Variants in ZNF714 observed in about 807,000 individuals in gnomAD.
ZNF714 encodes zinc finger protein 714.
In ZNF714, 32 loss-of-function variants were observed where a neutral mutation model predicts 46.2. The observed-to-expected ratio is 0.69, with a 90% CI of 0.52 to 0.93. The LOEUF (loss-of-function observed/expected upper bound fraction) is 0.93, where lower values mean the gene tolerates loss of function less well. Among genes scored for constraint, ZNF714 ranks in the 40% least tolerant of loss-of-function variants. The pLI is 0.00. For synonymous variants in ZNF714, 199 were observed against 213.1 expected (o/e 0.93, Z 0.58); for missense variants, 635 against 646.3 (o/e 0.98, Z 0.19).
chr19:21,084,996 T>C (rs1350110648), intron 2 of ZNF714, among the ~76,000 whole-genome samples: 1 of 152,174 alleles, frequency 6.6e-6, no homozygotes, highest in East Asian at 1.9e-4. Flanking sequence ...ATATATTCCA[T>C]TTGTTAAAAA....
At position 21,115,031 on chromosome 19, in the gene ZNF714, G is replaced by T. The variant is rs186138085; in HGVS notation, c.143-1776G>T. On this transcript the variant is annotated intron_variant, in intron 4 of 4. Transcript: ENST00000456283. ...TATGCTTTTACTTCTTTCTTATTTT[G>T]TTTTGTGTATCTATTCAGATATATT... Among the ~76,000 whole-genome samples, 4 of 147,332 alleles carry T rather than the reference G, an allele frequency of 2.7e-5. No homozygotes were observed. The East Asian group carries it at 7.9e-4, about 29-fold the overall frequency.
In ZNF714 at chr19:21,082,319, G is replaced by T; in HGVS notation, c.-206G>T. 6.9e-7 allele frequency: 1 copy of T among 1,454,494 alleles called. No individual in the cohort carries two copies. Among genetic ancestry groups the T allele is most frequent in the Non-Finnish European group, 9.3e-7 (1 of 1,075,802 alleles). 90.1% of individuals were successfully genotyped at this position (1,454,494 alleles called of 1,614,324 possible). ...CAGGTATTGAGAGATCCACAGCTAA[G>T]ACGCCAGGTACCCCGGAAGCCTAGA... On this transcript the variant is annotated 5_prime_UTR_variant, in exon 1 of 5. Coordinates refer to ENST00000456283, the MANE Select transcript of ZNF714 (RefSeq NM_182515.4).
At chr19:21,104,209 TATG>T (rs1969257393) in intron 4 of ZNF714, among the ~76,000 whole-genome samples, 1 of 148,454 alleles carries the variant, frequency 6.7e-6, no homozygotes, top group Non-Finnish European at 1.5e-5. Context: ...TTGATTTAAT[TATG>T]ATAATATTTG....
At chr19:21,106,785 G>A (rs1034237191) in intron 4 of ZNF714, among the ~76,000 whole-genome samples, 1 of 151,874 alleles carries the variant, frequency 6.6e-6, no homozygotes, top group Non-Finnish European at 1.5e-5. Context: ...ATCTGCCTTT[G>A]TGTCAGTACC....
rs558873873 is a variant in ZNF714, at chr19:21,112,686, C to A, written c.143-4121C>A. Among the ~76,000 whole-genome samples, 273 of 151,390 alleles carry A rather than the reference C, an allele frequency of 1.8e-3. 2 individuals carry two copies. The highest frequency in any genetic ancestry group is 2.5e-3 in the Non-Finnish European group (167 of 67,844). On this transcript the variant is annotated intron_variant, in intron 4 of 4. Transcript: ENST00000456283. ...TGATGTTAGGGTGTCCATTTGAGAT[C>A]TTTCTGGCTTTTTCATTTGGGTATT...
rs986364701 is a variant in ZNF714 at position 21,104,351 on chromosome 19, G to A, written c.142+5441G>A. On this transcript the variant is annotated intron_variant, in intron 4 of 4. Transcript: ENST00000456283. ...ACTGGTACAATAAACATGGATGTTC[G>A]AATTTGTGTTCCAGGCCCTGTGCTT... Among the ~76,000 whole-genome samples, 18 of 152,098 alleles carry A rather than the reference G, an allele frequency of 1.2e-4. No homozygotes were observed. In the South Asian group the frequency reaches 2.9e-3, roughly 24 times the overall value.
Position 21,122,180 on chromosome 19 carries a change from A to G in ZNF714, c.*3848A>G, listed in dbSNP as rs1298751014. The G allele has an allele frequency of 6.6e-6, 1 of 152,230 alleles. No homozygotes were observed. The highest frequency in any genetic ancestry group is 1.5e-5 in the Non-Finnish European group (1 of 68,044). 9.4% of individuals were successfully genotyped at this position (152,230 alleles called of 1,614,324 possible). On this transcript the variant is annotated 3_prime_UTR_variant, in exon 5 of 5. Transcript: ENST00000456283. ...TGAGGATGTTTTTATATATAAATGT[A>G]GCAAACATACATTACAGTTCTTACT...
intron 2 of ZNF714, among the ~76,000 whole-genome samples, chr19:21,096,924 T>C (rs1385636486): frequency 6.6e-6 from 1 of 152,200 alleles, no homozygotes; most frequent in Non-Finnish European, 1.5e-5. Flanking sequence ...TAGAGTGCAG[T>C]GGCGCAATCT....
intron 4 of ZNF714, among the ~76,000 whole-genome samples, chr19:21,105,625 T>C (rs1969292457): frequency 6.6e-6 from 1 of 152,178 alleles, no homozygotes; most frequent in Admixed American, 6.6e-5. Context: ...TTTTTTGTTT[T>C]TCTGTTTTTT....
At chr19:21,096,569 A>G (rs1346216968) in intron 2 of ZNF714, among the ~76,000 whole-genome samples, 1 of 152,140 alleles carries the variant, frequency 6.6e-6, no homozygotes, top group African/African-American at 2.4e-5. Context: ...ATAGTCAAGG[A>G]TCTCTAAAAA....
chr19:21,105,301 G>A (rs943568023), intron 4 of ZNF714, among the ~76,000 whole-genome samples: 1 of 151,650 alleles, frequency 6.6e-6, no homozygotes, highest in Non-Finnish European at 1.5e-5. Context: ...GATTACCTGC[G>A]TGAGCCACCG....
intron 4 of ZNF714, among the ~76,000 whole-genome samples, chr19:21,106,644 G>T (rs561818901): frequency 6.6e-6 from 1 of 151,876 alleles, no homozygotes; most frequent in East Asian, 1.9e-4. Flanking sequence ...TTGTTATCCA[G>T]TTTATGGCAT....
Position 21,118,235 on chromosome 19 carries a change from C to T in ZNF714, c.1571C>T (p.Ala524Val), listed in dbSNP as rs766011034. 135 of 1,561,128 alleles carry T rather than the reference C, an allele frequency of 8.6e-5. No homozygotes were observed. Among genetic ancestry groups the T allele is most frequent in the Admixed American group, 3.2e-4 (17 of 53,874 alleles). Residue 524 changes from alanine (A) to valine (V), a missense_variant, in exon 5 of 5, where the codon GCG becomes GTG. Ala to Val is a moderately conservative substitution (Grantham distance 64, BLOSUM62 0). Coordinates refer to ENST00000456283, the MANE Select transcript of ZNF714 (RefSeq NM_182515.4). ...NTLRGLGEQIARSGVQDQPGQ... is the reference protein window; with the variant it reads ...NTLRGLGEQIVRSGVQDQPGQ... Reference sequence around the variant, plus strand: ...TTGAGAGGACTAGGTGAGCAGATCGCGAGGTCAGGAGTTCAAGACCAGCCT... The same window carrying T: ...TTGAGAGGACTAGGTGAGCAGATCGTGAGGTCAGGAGTTCAAGACCAGCCT...
rs1210951340 is a variant in ZNF714 at position 21,121,521 on chromosome 19, G to A, written c.*3189G>A. ...CTTTGAACATGTGGCCTGTCTGCCT[G>A]CAAACATGCAGACTTTTTGATTCAC... On this transcript the variant is annotated 3_prime_UTR_variant, in exon 5 of 5. Transcript: ENST00000456283. 1 of 152,102 alleles carries A rather than the reference G, an allele frequency of 6.6e-6. No individual in the cohort carries two copies. The highest frequency in any genetic ancestry group is 1.5e-5 in the Non-Finnish European group (1 of 68,024). 9.4% of individuals were successfully genotyped at this position (152,102 alleles called of 1,614,324 possible).
At chr19:21,099,280 C>T (rs1343262245) in intron 4 of ZNF714, among the ~76,000 whole-genome samples, 2 of 151,908 alleles carry the variant, frequency 1.3e-5, no homozygotes, top group Admixed American at 6.6e-5. Flanking sequence ...TTGGGTTCGA[C>T]GATTTTCCTG....
chr19:21,116,955 G>A lies in ZNF714; in HGVS notation c.291G>A (p.Val97=), dbSNP rs779732761. 9 of 1,610,012 alleles carry A rather than the reference G, an allele frequency of 5.6e-6. No homozygotes were observed. The Admixed American group carries it at 1.5e-4, about 27-fold the overall frequency. ...CCGCAAATGTGGTTGAGTGTAAGGT[G>A]TACAAAAAAGGTTATAATGAACTAA... is the stretch of plus-strand genomic sequence containing the variant. ...KGSANVVECK[V]YKKGYNELNQ... The change falls in exon 5 of 5, where the codon GTG becomes GTA. Residue 97 remains valine (V), a synonymous_variant. Coordinates refer to ENST00000456283, the MANE Select transcript of ZNF714 (RefSeq NM_182515.4).
intron 4 of ZNF714, among the ~76,000 whole-genome samples, chr19:21,107,320 A>T (rs2144860364): frequency 6.6e-6 from 1 of 150,954 alleles, no homozygotes; most frequent in African/African-American, 2.4e-5. Flanking sequence ...GCTTACCGCA[A>T]CCTCCGCCTC....
rs1365782912 is a variant in ZNF714, at chr19:21,120,642, T to C, written c.*2310T>C. On this transcript the variant is annotated 3_prime_UTR_variant, in exon 5 of 5. Transcript: ENST00000456283. Reference sequence around the variant, plus strand: ...TTAACATTTTTAACATGTTAAATACTATTGTGCATTCAATGAAGCATTATT... The same window carrying C: ...TTAACATTTTTAACATGTTAAATACCATTGTGCATTCAATGAAGCATTATT... 1.3e-5 allele frequency: 2 copies of C among 152,214 alleles called. No individual in the cohort carries two copies. Among genetic ancestry groups the C allele is most frequent in the African/African-American group, 4.8e-5 (2 of 41,470 alleles). 9.4% of individuals were successfully genotyped at this position (152,214 alleles called of 1,614,324 possible). A position where few individuals can be genotyped will look rare whatever the true frequency, so the allele number is the denominator to read the frequency against.
At chr19:21,109,218 T>G (rs1473187898) in intron 4 of ZNF714, among the ~76,000 whole-genome samples, 1 of 152,176 alleles carries the variant, frequency 6.6e-6, no homozygotes, top group Non-Finnish European at 1.5e-5. Flanking sequence ...TTTTTCTTTT[T>G]ATAAATTTAT....
Sources: gnomAD v4.1 joint callset for allele counts (sites outside exome capture counted in the v4.1 genomes callset) on GRCh38, gnomAD v4.1.1 for gene constraint, MANE v1.5 for transcripts, NCBI Gene and HGNC (gene_info 2026-07-23, HGNC 2026-07-21) for gene names.